Variants in BCO1 observed in about 807,000 individuals in gnomAD.
BCO1 encodes beta,beta-carotene 15,15'-dioxygenase.
A neutral mutation model predicts 56.3 loss-of-function variants in BCO1; 54 were observed. The ratio of observed to expected loss-of-function variants is 0.96; its 90% confidence interval spans 0.77 to 1.20. The LOEUF (loss-of-function observed/expected upper bound fraction) is 1.20. Among genes scored for constraint, BCO1 ranks in the 50% most tolerant of loss-of-function variants. The pLI is 0.00. For synonymous variants in BCO1, 318 were observed against 266.1 expected, an observed-to-expected ratio of 1.20 and a Z score of -1.90; for missense variants, 801 against 690.9, an observed-to-expected ratio of 1.16 and a Z score of -1.79.
chr16:81,238,862 G>T lies in BCO1; in HGVS notation c.-47G>T. 1 of 1,543,488 alleles carries T rather than the reference G, an allele frequency of 6.5e-7. No homozygotes were observed. Among genetic ancestry groups the T allele is most frequent in the Non-Finnish European group, 9.0e-7 (1 of 1,115,860 alleles). On this transcript the variant is annotated 5_prime_UTR_variant, in exon 1 of 11. Coordinates refer to ENST00000258168, the MANE Select transcript of BCO1 (RefSeq NM_017429.3). ...AGCAGCATCTCCTGTGAACACAGAG[G>T]AGCACCTGTTTGCTGTTAAAATCGA...
At chr16:81,257,405 C>A (rs1053841892) in intron 2 of BCO1, among the ~76,000 whole-genome samples, 3 of 151,942 alleles carry the variant, frequency 2.0e-5, no homozygotes, top group Non-Finnish European at 4.4e-5. Flanking sequence ...GCTGGGATTA[C>A]AAGGGTGTGC....
chr16:81,261,848 T>G (rs1219955091), intron 3 of BCO1: 1 of 374,318 alleles, frequency 2.7e-6, no homozygotes, highest in African/African-American at 2.1e-5. Context: ...TTCACGCCAT[T>G]CTCCTGCCTC....
chr16:81,287,254 C>A, intron 9 of BCO1, 41 bp from the exon 10 acceptor site: 2 of 1,438,012 alleles, frequency 1.4e-6, no homozygotes, highest in South Asian at 1.1e-5. Context: ...AGTATTCTCT[C>A]AAACAAGTCA....
chr16:81,275,700 G>C (rs529507184), intron 7 of BCO1, among the ~76,000 whole-genome samples: 75 of 152,358 alleles, frequency 4.9e-4, no homozygotes, highest in African/African-American at 1.7e-3. Flanking sequence ...TCTTCCTTCA[G>C]CCTTTGGAAC....
chr16:81,290,216 G>A, intron 10 of BCO1, 132 bp from the exon 11 acceptor site: 1 of 812,194 alleles, frequency 1.2e-6, no homozygotes, highest in Admixed American at 2.0e-5. Flanking sequence ...CTGTTACAGT[G>A]TCTCAAATTC....
chr16:81,240,894 G>T (rs1283777885), intron 1 of BCO1, among the ~76,000 whole-genome samples: 1 of 148,598 alleles, frequency 6.7e-6, no homozygotes, highest in East Asian at 2.0e-4. Flanking sequence ...GAGTGTAATG[G>T]CGCGATCTCG....
chr16:81,242,749 C>T (rs1423749616), intron 1 of BCO1, among the ~76,000 whole-genome samples: 1 of 152,102 alleles, frequency 6.6e-6, no homozygotes, highest in Non-Finnish European at 1.5e-5. Context: ...CCCCGACCCT[C>T]GAGCCGTGGA....
chr16:81,275,861 G>A (rs1907522410), intron 7 of BCO1, among the ~76,000 whole-genome samples: 1 of 152,224 alleles, frequency 6.6e-6, no homozygotes, highest in Admixed American at 6.5e-5. Context: ...TGGGCACCGT[G>A]GGCCTGTTTA....
intron 2 of BCO1, among the ~76,000 whole-genome samples, chr16:81,253,894 T>C (rs11647884): frequency 0.26 from 39,120 of 151,998 alleles, 5,495 homozygotes; most frequent in Middle Eastern, 0.39. Context: ...GCCTGGGAGA[T>C]TGAGGCTGCA....
rs1451706347 is a variant in BCO1 at position 81,251,000 on chromosome 16, C to G, written c.193+5397C>G. Among the ~76,000 whole-genome samples the G allele has an allele frequency of 3.9e-5, 6 of 152,184 alleles. No homozygotes were observed. In the South Asian group the frequency reaches 1.0e-3, roughly 26 times the overall value. ...TGACCCCGAGCCCTCTGAGGTTTGA[C>G]AATCCCTCCACAATGGGCCTCTAGC... On this transcript the variant is annotated intron_variant, in intron 2 of 10. Transcript: ENST00000258168.
At chr16:81,269,659 G>A (rs181482701) in intron 6 of BCO1, among the ~76,000 whole-genome samples, 43 of 152,218 alleles carry the variant, frequency 2.8e-4, no homozygotes, top group Non-Finnish European at 5.6e-4. Flanking sequence ...AGTAGAGATG[G>A]GGTTTTGCCA....
intron 7 of BCO1, among the ~76,000 whole-genome samples, chr16:81,274,559 C>T (rs997351694): frequency 2.6e-5 from 4 of 152,120 alleles, no homozygotes; most frequent in Non-Finnish European, 4.4e-5. Flanking sequence ...CCACTGCGCC[C>T]AGCCCCCTAG....
At chr16:81,289,588 CTGT>C (rs764794144) in intron 10 of BCO1, among the ~76,000 whole-genome samples, 2 of 152,198 alleles carry the variant, frequency 1.3e-5, no homozygotes, top group Non-Finnish European at 2.9e-5. Flanking sequence ...TTGCAGTGAG[CTGT>C]GATCACACCA....
chr16:81,244,800 G>C (rs1200561260), intron 1 of BCO1, among the ~76,000 whole-genome samples: 1 of 149,592 alleles, frequency 6.7e-6, no homozygotes, highest in Non-Finnish European at 1.5e-5. Context: ...GATCACTGCA[G>C]CCTGGAGCTC....
At chr16:81,290,044 A>G (rs1040667765) in intron 10 of BCO1, among the ~76,000 whole-genome samples, 1 of 152,194 alleles carries the variant, frequency 6.6e-6, no homozygotes, top group Non-Finnish European at 1.5e-5. Context: ...TTGTATTTTT[A>G]GTAGAGATGG....
chr16:81,245,982 C>G (rs554762158), intron 2 of BCO1, among the ~76,000 whole-genome samples: 3 of 151,472 alleles, frequency 2.0e-5, no homozygotes, highest in African/African-American at 7.3e-5. Context: ...CCTGCCTCAG[C>G]CTCCTGAGTA....
rs988946192 is a variant in BCO1, at chr16:81,290,732, T to C, written c.*155T>C. The C allele has an allele frequency of 4.0e-5, 25 of 618,528 alleles. No homozygotes were observed. The Middle Eastern group carries it at 1.7e-3, about 43-fold the overall frequency. 38.3% of individuals were successfully genotyped at this position (618,528 alleles called of 1,614,324 possible). ...ATGGCAAGAGAGCTTGTCAGTATCA[T>C]TTCTTTCATTTTATTTTGGCTGTAA... is the stretch of plus-strand genomic sequence containing the variant. On this transcript the variant is annotated 3_prime_UTR_variant, in exon 11 of 11. Transcript: ENST00000258168.
rs1325369244 is a variant in BCO1, at chr16:81,256,174, T to G, written c.194-3502T>G. ...GTTGGAGTATTCTACTTGCTTCCAG[T>G]GTTGTGAGTATGAAACCAGATAACA... is the stretch of plus-strand genomic sequence containing the variant. On this transcript the variant is annotated intron_variant, in intron 2 of 10. Coordinates refer to ENST00000258168, the MANE Select transcript of BCO1 (RefSeq NM_017429.3). 2.0e-5 allele frequency among the ~76,000 whole-genome samples: 3 copies of G among 151,850 alleles called. No homozygotes were observed. In the East Asian group the frequency reaches 5.8e-4, roughly 29 times the overall value.
intron 2 of BCO1, among the ~76,000 whole-genome samples, chr16:81,250,578 C>CTTTTTTT (rs530676028): frequency 1.6e-4 from 17 of 105,492 alleles, no homozygotes; most frequent in African/African-American, 2.7e-4. Flanking sequence ...CTCAATAAAG[C>CTTTTTTT]TTTTTTTTTT....
Sources: allele counts gnomAD v4.1 joint callset (sites outside exome capture counted in the v4.1 genomes callset), GRCh38; gene constraint gnomAD v4.1.1; transcripts MANE v1.5; gene names NCBI Gene and HGNC (gene_info 2026-07-23, HGNC 2026-07-21).